GSE1: variants seen among roughly 807,000 people sequenced by gnomAD.
The protein encoded by GSE1 is Gse1 coiled-coil protein.
A neutral mutation model predicts 112.6 loss-of-function variants in GSE1; 32 were observed. That is an observed-to-expected ratio of 0.28 (90% CI 0.21 to 0.38). The LOEUF (loss-of-function observed/expected upper bound fraction) is 0.38, where lower values mean the gene tolerates loss of function less well. GSE1 is among the 10% of genes least tolerant of loss of function. GSE1 has a pLI of 1.00. For synonymous variants in GSE1, 1,115 were observed against 735.6 expected (o/e 1.52, Z -8.35); for missense variants, 2,348 against 1,699.2 (o/e 1.38, Z -6.71).
chr16:85,541,406 C>A (rs2044513659), intron 2 of GSE1, among the ~76,000 whole-genome samples: 1 of 152,248 alleles, frequency 6.6e-6, no homozygotes, highest in Non-Finnish European at 1.5e-5. Context: ...ACAGCAGCCA[C>A]CTGGCTGGCA....
chr16:85,582,836 A>G (rs899936784), intron 1 of GSE1, among the ~76,000 whole-genome samples: 3 of 152,210 alleles, frequency 2.0e-5, no homozygotes, highest in Non-Finnish European at 4.4e-5. Flanking sequence ...GTTCCGAGCC[A>G]GTGATCGGGA....
chr16:85,478,419 C>G (rs1044829301), intron 2 of GSE1, among the ~76,000 whole-genome samples: 1 of 150,952 alleles, frequency 6.6e-6, no homozygotes. Context: ...CCCAGCTACT[C>G]GGGAGGCTGA....
chr16:85,220,902 C>T (rs1283556833), intron 1 of GSE1, among the ~76,000 whole-genome samples: 2 of 150,982 alleles, frequency 1.3e-5, no homozygotes, highest in African/African-American at 4.9e-5. Flanking sequence ...CCCACTGCTT[C>T]CTCCAGCTTC....
At chr16:85,371,920 G>A (rs2047309364) in intron 2 of GSE1, among the ~76,000 whole-genome samples, 1 of 152,326 alleles carries the variant, frequency 6.6e-6, no homozygotes, top group African/African-American at 2.4e-5. Context: ...GGAGGGGCTG[G>A]GAGAGGAGCC....
chr16:85,502,690 C>G (rs2051409761), intron 2 of GSE1, among the ~76,000 whole-genome samples: 1 of 152,308 alleles, frequency 6.6e-6, no homozygotes, highest in East Asian at 1.9e-4. Context: ...AGGCTACCGC[C>G]GACCTGCAGG....
At chr16:85,292,414 C>T (rs1477916130) in intron 1 of GSE1, among the ~76,000 whole-genome samples, 5 of 152,030 alleles carry the variant, frequency 3.3e-5, no homozygotes, top group Non-Finnish European at 5.9e-5. Flanking sequence ...CTGCAACCTC[C>T]GCCTCCCGGG....
Position 85,404,053 on chromosome 16 carries a change from C to T in GSE1, c.2464+46410C>T, listed in dbSNP as rs147937580. On this transcript the variant is annotated intron_variant, in intron 2 of 2. Coordinates refer to the GSE1 transcript ENST00000637419. The stretch of plus-strand genomic sequence containing the variant: ...TTTCCTCTGTGTGCGTCAGAACTCC[C>T]TCTGCCCACCTCTCAGAAACCAGCT... 3.7e-3 allele frequency among the ~76,000 whole-genome samples: 559 copies of T among 152,152 alleles called. 2 individuals are homozygous for T. The highest frequency in any genetic ancestry group is 6.1e-3 in the Non-Finnish European group (418 of 67,978).
intron 2 of GSE1, among the ~76,000 whole-genome samples, chr16:85,479,630 G>C (rs1406481499): frequency 6.6e-6 from 1 of 152,172 alleles, no homozygotes; most frequent in African/African-American, 2.4e-5. Context: ...TGGGCGTTAT[G>C]TTTTCAATTC....
At chr16:85,256,921 G>A (rs1028747510) in intron 1 of GSE1, among the ~76,000 whole-genome samples, 37 of 152,180 alleles carry the variant, frequency 2.4e-4, no homozygotes, top group African/African-American at 8.4e-4. Flanking sequence ...ACATGTGGCC[G>A]GTCTCCACTG....
At chr16:85,333,450 C>T (rs1289121290) in intron 1 of GSE1, among the ~76,000 whole-genome samples, 1 of 152,236 alleles carries the variant, frequency 6.6e-6, no homozygotes, top group Admixed American at 6.5e-5. Context: ...CTGCCGGCTC[C>T]TCTGAGTGCG....
chr16:85,593,367 C>T (rs562732137), intron 1 of GSE1: 4 of 152,446 alleles, frequency 2.6e-5, no homozygotes, highest in Non-Finnish European at 5.9e-5. Flanking sequence ...AGTGCCTCCC[C>T]TCCAGGGCCT....
At chr16:85,606,111 G>A (rs2047693035) in intron 1 of GSE1, among the ~76,000 whole-genome samples, 1 of 152,148 alleles carries the variant, frequency 6.6e-6, no homozygotes, top group Non-Finnish European at 1.5e-5. Context: ...AGTCTGCCGT[G>A]GCACAGCCCA....
At chr16:85,360,202 T>A (rs897563727) in intron 2 of GSE1, among the ~76,000 whole-genome samples, 2 of 151,928 alleles carry the variant, frequency 1.3e-5, no homozygotes, top group Non-Finnish European at 2.9e-5. Context: ...CCTTGTCTCA[T>A]CAGCAGGTCC....
At chr16:85,512,388 A>G (rs1227841109) in intron 2 of GSE1, among the ~76,000 whole-genome samples, 1 of 152,132 alleles carries the variant, frequency 6.6e-6, no homozygotes, top group African/African-American at 2.4e-5. Flanking sequence ...GGTTCTCCAG[A>G]AGGGACTCCA....
At chr16:85,557,919 G>A (rs982418574) in intron 1 of GSE1, among the ~76,000 whole-genome samples, 1 of 152,062 alleles carries the variant, frequency 6.6e-6, no homozygotes, top group Non-Finnish European at 1.5e-5. Flanking sequence ...GTTTTGATAG[G>A]AAGAATATTG....
At chr16:85,351,062 C>A (rs1414463675) in intron 1 of GSE1, among the ~76,000 whole-genome samples, 7 of 152,184 alleles carry the variant, frequency 4.6e-5, no homozygotes, top group African/African-American at 1.7e-4. Context: ...TCATTGTACT[C>A]AAAAGGAAAC....
At chr16:85,213,626 C>T (rs746934591) in intron 1 of GSE1, among the ~76,000 whole-genome samples, 14 of 152,336 alleles carry the variant, frequency 9.2e-5, no homozygotes, top group Admixed American at 5.2e-4. Context: ...ACAGCCAGCC[C>T]GTGTGTGATA....
intron 2 of GSE1, among the ~76,000 whole-genome samples, chr16:85,487,296 G>A (rs763890432): frequency 2.0e-4 from 31 of 152,122 alleles, no homozygotes; most frequent in Non-Finnish European, 4.3e-4. Context: ...GTCTCCTCCC[G>A]TCACGTGGCG....
chr16:85,194,860 G>A (rs778527736), intron 1 of GSE1, among the ~76,000 whole-genome samples: 1 of 152,146 alleles, frequency 6.6e-6, no homozygotes, highest in Non-Finnish European at 1.5e-5. Flanking sequence ...AAGGTGCCTA[G>A]GTCTGTGTAT....
Sources: allele counts gnomAD v4.1 joint callset (sites outside exome capture counted in the v4.1 genomes callset), GRCh38; gene constraint gnomAD v4.1.1; transcripts MANE v1.5; gene names NCBI Gene and HGNC (gene_info 2026-07-23, HGNC 2026-07-21).